Variants in FAT1 observed in about 807,000 individuals in gnomAD.
FAT1 encodes the protein protocadherin Fat 1.
FAT1 carries 171 observed loss-of-function variants against 329.8 expected under a neutral mutation model. That is an observed-to-expected ratio of 0.52 (90% confidence interval 0.46 to 0.59). The LOEUF is 0.59. FAT1 is among the 20% of genes least tolerant of loss of function. The pLI, the probability that FAT1 is intolerant of heterozygous loss-of-function variation, is 0.00. For synonymous variants in FAT1, 2,233 were observed against 2,228.6 expected (o/e 1.00, Z -0.06); for missense variants, 5,672 against 5,774.4 (o/e 0.98, Z 0.57).
chr4:186,688,868 G>A (rs1460310032), intron 2 of FAT1, among the ~76,000 whole-genome samples: 1 of 151,920 alleles, frequency 6.6e-6, no homozygotes, highest in Non-Finnish European at 1.5e-5. Context: ...TTAAACCCAA[G>A]GACACAAAAA....
chr4:186,701,102 G>A (rs1235544550), intron 2 of FAT1, among the ~76,000 whole-genome samples: 2 of 152,152 alleles, frequency 1.3e-5, no homozygotes, highest in African/African-American at 2.4e-5. Flanking sequence ...AGTCAGTAAC[G>A]CATCAACGTG....
upstream of FAT1, among the ~76,000 whole-genome samples, chr4:186,724,183 T>C (rs1280013804): frequency 4.2e-5 from 3 of 71,322 alleles, no homozygotes; most frequent in Admixed American, 1.6e-4. The surrounding 1 kb of genome is among the most constrained non-coding windows in gnomAD (Gnocchi z 5.3). Flanking sequence ...TTAGCTTAGC[T>C]AAAAAAAAAA....
At chr4:186,668,193 C>A (rs1330553712) in intron 2 of FAT1, among the ~76,000 whole-genome samples, 1 of 152,076 alleles carries the variant, frequency 6.6e-6, no homozygotes, top group Non-Finnish European at 1.5e-5. Flanking sequence ...ATCTGTCAGC[C>A]CAGTTGCATG....
intron 2 of FAT1, among the ~76,000 whole-genome samples, chr4:186,685,317 G>A (rs143771425): frequency 2.0e-5 from 3 of 152,214 alleles, no homozygotes; most frequent in Non-Finnish European, 4.4e-5. Context: ...ATACGGAACC[G>A]TAGAGAACGT....
chr4:186,600,988 A>G (rs796559791), intron 21 of FAT1, among the ~76,000 whole-genome samples: 5 of 152,366 alleles, frequency 3.3e-5, no homozygotes, highest in African/African-American at 1.2e-4. Flanking sequence ...CTGGGATTAC[A>G]GGCGTGAGCC....
chr4:186,654,023 G>A (rs1356270702), intron 3 of FAT1, among the ~76,000 whole-genome samples: 1 of 152,170 alleles, frequency 6.6e-6, no homozygotes, highest in Non-Finnish European at 1.5e-5. Context: ...AATGCAAAGA[G>A]TAGATAAGAG....
Position 186,709,573 on chromosome 4 carries a change from A to G in FAT1, c.255T>C (p.Ala85=), listed in dbSNP as rs771303233. 6.2e-7 allele frequency: 1 copy of G among 1,613,948 alleles called. No individual in the cohort carries two copies. Among genetic ancestry groups the G allele is most frequent in the African/African-American group, 1.3e-5 (1 of 75,004 alleles). ...VSGDSENLFK[A]EEYILGDFCF... ...AAAAGTCTCCGAGAATGTACTCTTCAGCTTTGAACAGGTTTTCACTGTCTC... is the reference window on the plus strand; with the variant it reads ...AAAAGTCTCCGAGAATGTACTCTTCGGCTTTGAACAGGTTTTCACTGTCTC... The change falls in exon 2 of 27, where the codon GCT becomes GCC. Residue 85 remains alanine (A), a synonymous_variant. Transcript: ENST00000441802.
rs779135249 is a variant in FAT1, at chr4:186,588,956, A to G, written c.13403T>C (p.Met4468Thr). Residue 4468 changes from methionine (M) to threonine (T), a missense_variant, in exon 27 of 27, where the codon ATG becomes ACG. Met to Thr is a moderately conservative substitution (Grantham distance 81). Around this residue, in one of 2 missense-constraint regions of FAT1, gnomAD observed 1,706 missense variants for 1,859.1 expected, o/e 0.92. Transcript: ENST00000441802. ...AGAACCCAAGCTACCCGCGGCAGGC[A>G]TGTCTCTAGGAGGGTGGATGGATTC... ...QFESIHPPRDMPAAGSLGSSS... is the reference protein window; with the variant it reads ...QFESIHPPRDTPAAGSLGSSS... 1.2e-6 allele frequency: 2 copies of G among 1,613,978 alleles called. No individual in the cohort carries two copies. The highest frequency in any genetic ancestry group is 2.2e-5 in the South Asian group (2 of 91,078).
chr4:186,595,861 G>A (rs924499294), intron 25 of FAT1, 35 bp from the exon 26 acceptor site: 1 of 1,610,846 alleles, frequency 6.2e-7, no homozygotes, highest in African/African-American at 1.3e-5. Flanking sequence ...AAGTATATGG[G>A]CCAAGACGGT....
intron 2 of FAT1, among the ~76,000 whole-genome samples, chr4:186,668,548 G>C (rs540388580): frequency 1.3e-5 from 2 of 152,146 alleles, no homozygotes; most frequent in Admixed American, 6.5e-5. Context: ...GGTTCATCAC[G>C]ATCCAAACCA....
In FAT1 at chr4:186,606,165, G is replaced by C. The variant is rs201854983; in HGVS notation, c.10255C>G (p.Pro3419Ala). 1 of 1,612,892 alleles carries C rather than the reference G, an allele frequency of 6.2e-7. No individual in the cohort carries two copies. Among genetic ancestry groups the C allele is most frequent in the African/African-American group, 1.3e-5 (1 of 74,760 alleles). ...TVQASDNGSP[P>A]RVNTTTVNID... ...TTCACGGTCGTCGTGTTGACTCTGGGTGGACTGCCATTATCAGAAGCTTGA... is the reference window on the plus strand; with the variant it reads ...TTCACGGTCGTCGTGTTGACTCTGGCTGGACTGCCATTATCAGAAGCTTGA... Residue 3419 changes from proline to alanine, a missense_variant, in exon 17 of 27, where the codon CCC (proline) becomes GCC (alanine). By Grantham distance (27) the Pro-to-Ala change is conservative (BLOSUM62 -1). Transcript: ENST00000441802.
chr4:186,620,469 G>C lies in FAT1; in HGVS notation c.6117C>G (p.Phe2039Leu), dbSNP rs767741078. 2 of 1,613,864 alleles carry C rather than the reference G, an allele frequency of 1.2e-6. No individual in the cohort carries two copies. The highest frequency in any genetic ancestry group is 1.3e-5 in the African/African-American group (1 of 74,916). ...SGVLSTTGTP[F>L]DREQQEAFDV... ...CAAACGCCTCCTGCTGCTCACGATC[G>C]AAGGGCGTGCCAGTGGTTGACAGAA... Residue 2039 changes from phenylalanine to leucine, a missense_variant, in exon 10 of 27, where the codon TTC (phenylalanine) becomes TTG (leucine). Physicochemically the swap from Phe to Leu is conservative, Grantham distance 22. Coordinates refer to ENST00000441802, the MANE Select transcript of FAT1 (RefSeq NM_005245.4).
chr4:186,664,399 A>G (rs1396131003), intron 2 of FAT1, among the ~76,000 whole-genome samples: 1 of 151,870 alleles, frequency 6.6e-6, no homozygotes, highest in Admixed American at 6.5e-5. Flanking sequence ...TATCCGCAGC[A>G]CCTTACACAA....
chr4:186,678,532 T>C (rs1743053270), intron 2 of FAT1, among the ~76,000 whole-genome samples: 1 of 149,028 alleles, frequency 6.7e-6, no homozygotes, highest in Admixed American at 6.7e-5. Context: ...CACTTTATTT[T>C]ATACATGTAT....
intron 3 of FAT1, among the ~76,000 whole-genome samples, chr4:186,646,110 G>A (rs1041695588): frequency 1.3e-4 from 19 of 151,744 alleles, no homozygotes; most frequent in Non-Finnish European, 2.5e-4. Context: ...ACGAGTCATC[G>A]ATGACCCCAC....
rs766581902 is a variant in FAT1 at position 186,723,417 on chromosome 4, T to C, written c.-19+247A>G. Among the ~76,000 whole-genome samples the C allele has an allele frequency of 3.0e-4, 46 of 152,288 alleles. 1 individual carries two copies. The highest frequency in any genetic ancestry group is 1.4e-3 in the South Asian group (7 of 4,830). ...GTCAGAAAGGATCGGACCCCAGCAA[T>C]GGCCCCGGATCGGTCCCGCGCGGTC... On this transcript the variant is annotated intron_variant, in intron 1 of 26. Coordinates refer to ENST00000441802, the MANE Select transcript of FAT1 (RefSeq NM_005245.4).
Position 186,628,215 on chromosome 4 carries a change from C to G in FAT1, c.4749G>C (p.Gln1583His), listed in dbSNP as rs778098481. Reference protein sequence around the residue: ...ESAAVGSVVLQVTALDKDKGK... With the variant: ...ESAAVGSVVLHVTALDKDKGK... The stretch of plus-strand genomic sequence containing the variant: ...CTTTGTCCTTGTCCAGAGCCGTCAC[C>G]TGCAACACAACTGAGCCAACGGCTG... The change falls in exon 9 of 27, where the codon CAG becomes CAC. Residue 1583 changes from glutamine (Q) to histidine (H), a missense_variant. By Grantham distance (24) the Gln-to-His change is conservative. This residue lies in a region of FAT1 where 3,966 missense variants were observed against 3,915.2 expected (regional missense o/e 1.01). Transcript: ENST00000441802. The G allele has an allele frequency of 1.2e-6, 2 of 1,613,986 alleles. No homozygotes were observed. The highest frequency in any genetic ancestry group is 8.5e-7 in the Non-Finnish European group (1 of 1,179,868).
Position 186,706,884 on chromosome 4 carries a change from C to T in FAT1, c.2944G>A (p.Ala982Thr), listed in dbSNP as rs1744641011. The part of the protein sequence containing the change: ...GNFDVDKLSG[A>T]VRIVQQLDFE... ...TCCAACTGCTGGACGATCCTAACTG[C>T]TCCACTGAGTTTATCCACATCGAAG... Residue 982 changes from alanine to threonine, a missense_variant, in exon 2 of 27, where the codon GCA (alanine) becomes ACA (threonine). Physicochemically the swap from Ala to Thr is moderately conservative, Grantham distance 58. Around this residue, in one of 2 missense-constraint regions of FAT1, gnomAD observed 3,966 missense variants for 3,915.2 expected, o/e 1.01. Coordinates refer to ENST00000441802, the MANE Select transcript of FAT1 (RefSeq NM_005245.4). 1.2e-6 allele frequency: 2 copies of T among 1,614,000 alleles called. No individual in the cohort carries two copies. The highest frequency in any genetic ancestry group is 1.1e-5 in the South Asian group (1 of 91,078).
chr4:186,640,572 C>T (rs554421950), intron 3 of FAT1, among the ~76,000 whole-genome samples: 1 of 152,276 alleles, frequency 6.6e-6, no homozygotes, highest in East Asian at 1.9e-4. Context: ...AAATAAAGAA[C>T]TGTTATAAAA....
Sources: gnomAD v4.1 joint callset for allele counts (sites outside exome capture counted in the v4.1 genomes callset) on GRCh38, gnomAD v4.1.1 for gene constraint, gnomAD v4.1.1 regional missense constraint, Gnocchi (gnomAD v3.1) non-coding constraint, MANE v1.5 for transcripts, NCBI Gene and HGNC (gene_info 2026-07-23, HGNC 2026-07-21) for gene names.